CROCC2: variants seen among roughly 807,000 people sequenced by gnomAD.
The protein encoded by CROCC2 is ciliary rootlet coiled-coil, rootletin family member 2.
CROCC2 carries 163 observed loss-of-function variants against 177.6 expected under a neutral mutation model. The ratio of observed to expected loss-of-function variants is 0.92; its 90% CI spans 0.81 to 1.05. CROCC2 has a LOEUF of 1.05. Ranked by LOEUF, CROCC2 falls within the 50% of genes least tolerant of loss-of-function variation. The probability of loss-of-function intolerance (pLI) is 0.00; values close to 1 mark genes in which losing one functional copy is unlikely to be tolerated. For synonymous variants in CROCC2, 904 were observed against 787.3 expected, an observed-to-expected ratio of 1.15 and a Z score of -2.48; for missense variants, 1,929 against 1,797.8, an observed-to-expected ratio of 1.07 and a Z score of -1.32.
rs1281047230 is a variant in CROCC2 at position 240,967,335 on chromosome 2, T to G, written c.4147-10T>G. The G allele has an allele frequency of 1.4e-6, 1 of 693,904 alleles. No individual in the cohort carries two copies. 43.0% of individuals were successfully genotyped at this position (693,904 alleles called of 1,614,324 possible). On this transcript the variant is annotated splice_polypyrimidine_tract_variant and intron_variant, in intron 25 of 31. Coordinates refer to ENST00000690015, the MANE Select transcript of CROCC2 (RefSeq NM_001351305.2). ...GGACTGCCCCCGCTGACCTCAGTCC[T>G]TCTGCCCAGGATGACTCCCGCATCC... is the stretch of plus-strand genomic sequence containing the variant.
chr2:240,968,789 G>A (rs749581901), intron 27 of CROCC2, among the ~76,000 whole-genome samples: 16 of 152,202 alleles, frequency 1.1e-4, no homozygotes, highest in African/African-American at 2.4e-4. Flanking sequence ...GGAGGTGCCC[G>A]CTGGGTCTGA....
In CROCC2 at chr2:240,964,698, G is replaced by A. The variant is rs1033728892; in HGVS notation, c.3465+73G>A. ...TGGTGGGTCCCGGCTCCTCCCAGGG[G>A]AGCCCCCAGCCCTGGCCTTGCTGCC... On this transcript the variant is annotated intron_variant, in intron 22 of 31. Transcript: ENST00000690015. 67 of 1,485,536 alleles carry A rather than the reference G, an allele frequency of 4.5e-5. No individual in the cohort carries two copies. The Admixed American group carries it at 1.4e-3, about 31-fold the overall frequency. The allele number at this position is 1,485,536 out of a possible 1,614,324, so 92.0% of individuals were successfully genotyped here. A position where few individuals can be genotyped will look rare whatever the true frequency, so the allele number is the denominator to read the frequency against.
Position 240,920,061 on chromosome 2 carries a change from T to TGG in CROCC2, c.312_313dup (p.Asp105GlyfsTer67). On this transcript the variant is annotated frameshift_variant, in exon 3 of 32. Transcript: ENST00000690015. LOFTEE classifies it high-confidence loss of function. The stretch of plus-strand genomic sequence containing the variant: ...CTCCTGCAGGAGGAGCTGACCCGGC[T>TGG]GGGGGACCTGCTGGCCCAGGCCAGC... The TGG allele has an allele frequency of 1.4e-6, 1 of 715,758 alleles. No individual in the cohort carries two copies. Among genetic ancestry groups the TGG allele is most frequent in the Non-Finnish European group, 2.6e-6 (1 of 384,772 alleles). The allele number at this position is 715,758 out of a possible 1,614,324, so 44.3% of individuals were successfully genotyped here.
intron 10 of CROCC2, 75 bp downstream of exon 10, chr2:240,933,417 C>G: frequency 7.3e-7 from 1 of 1,374,102 alleles, no homozygotes; most frequent in South Asian, 1.5e-5. Context: ...GCTGTCAGGA[C>G]AAGCACCTCT....
intron 1 of CROCC2, among the ~76,000 whole-genome samples, chr2:240,914,320 A>T (rs1443677307): frequency 6.6e-6 from 1 of 152,254 alleles, no homozygotes; most frequent in Non-Finnish European, 1.5e-5. Flanking sequence ...GGCGGAGGCC[A>T]GAAGCCTCCA....
In CROCC2 at chr2:240,950,656, C is replaced by T. The variant is rs556486185; in HGVS notation, c.2829+146C>T. The T allele has an allele frequency of 2.4e-3, 1,846 of 767,934 alleles. 18 individuals are homozygous for T. In the African/African-American group the frequency reaches 0.025, roughly 11 times the overall value. The allele number at this position is 767,934 out of a possible 1,614,324, so 47.6% of individuals were successfully genotyped here. ...CCATCCATCCATCCATCCAACCATC[C>T]GTCCACTCACCCACCCACCTATCTG... On this transcript the variant is annotated intron_variant, in intron 18 of 31. Transcript: ENST00000690015.
rs183661827 is a variant in CROCC2, at chr2:240,935,459, G to A, written c.2040G>A (p.Ala680=). The A allele has an allele frequency of 4.0e-3, 5,500 of 1,369,286 alleles. 20 individuals carry two copies. The highest frequency in any genetic ancestry group is 4.6e-3 in the Non-Finnish European group (4,872 of 1,056,828). 84.8% of individuals were successfully genotyped at this position (1,369,286 alleles called of 1,614,324 possible). ...EQLAQAEQQL[A]LERAERRGLQ... ...TGGCACAGGCGGAGCAGCAGCTGGC[G>A]CTGGAGCGGGCAGAGCGCAGGGGCC... is the stretch of plus-strand genomic sequence containing the variant. The change falls in exon 14 of 32, where the codon GCG becomes GCA. Residue 680 remains alanine, a synonymous_variant. Coordinates refer to ENST00000690015, the MANE Select transcript of CROCC2 (RefSeq NM_001351305.2).
chr2:240,991,418 G>A, intron 31 of CROCC2, 140 bp downstream of exon 31: 3 of 695,328 alleles, frequency 4.3e-6, no homozygotes, highest in Non-Finnish European at 6.8e-6. Context: ...CTTGTGCTCT[G>A]CACAAGAGGG....
chr2:240,956,105 AG>A (rs2059588447), intron 19 of CROCC2, 133 bp downstream of exon 19: 1 of 670,532 alleles, frequency 1.5e-6, no homozygotes, highest in Non-Finnish European at 2.6e-6. Flanking sequence ...AGTTTCCCCC[AG>A]GTGCCTCCAG....
Position 240,949,217 on chromosome 2 carries a change from C to G in CROCC2, c.2482+120C>G. 2 of 1,437,206 alleles carry G rather than the reference C, an allele frequency of 1.4e-6. No individual in the cohort carries two copies. The highest frequency in any genetic ancestry group is 1.8e-6 in the Non-Finnish European group (2 of 1,099,672). The allele number at this position is 1,437,206 out of a possible 1,614,324, so 89.0% of individuals were successfully genotyped here. A position where few individuals can be genotyped will look rare whatever the true frequency, so the allele number is the denominator to read the frequency against. Reference sequence around the variant, plus strand: ...TCTCCGGAGCCCACAGGGGCATGAACATGAGCTTGGAGCTCATGCGACTGA... The same window carrying G: ...TCTCCGGAGCCCACAGGGGCATGAAGATGAGCTTGGAGCTCATGCGACTGA... On this transcript the variant is annotated intron_variant, in intron 16 of 31. Coordinates refer to ENST00000690015, the MANE Select transcript of CROCC2 (RefSeq NM_001351305.2). The surrounding 1 kb of genome is among the most constrained non-coding windows in gnomAD (Gnocchi z 4.5).
At chr2:240,950,086 G>T (rs1398067727) in intron 17 of CROCC2, among the ~76,000 whole-genome samples, 1 of 152,214 alleles carries the variant, frequency 6.6e-6, no homozygotes, top group Non-Finnish European at 1.5e-5. Context: ...CAGGTGCACT[G>T]CAGAGACTCA....
At chr2:240,912,913 G>C (rs981462180) in intron 1 of CROCC2, among the ~76,000 whole-genome samples, 4 of 152,152 alleles carry the variant, frequency 2.6e-5, no homozygotes, top group Non-Finnish European at 5.9e-5. Context: ...TCCCCACCAC[G>C]GGACAGGAGC....
At chr2:240,935,181 T>G in intron 13 of CROCC2, 119 bp downstream of exon 13, 1 of 1,257,014 alleles carries the variant, frequency 8.0e-7, no homozygotes, top group Non-Finnish European at 1.0e-6. Context: ...TGGTTTGAGG[T>G]TTTGGGGACA....
intron 5 of CROCC2, among the ~76,000 whole-genome samples, chr2:240,928,342 C>CG (rs2059406412): frequency 6.6e-6 from 1 of 151,966 alleles, no homozygotes; most frequent in Non-Finnish European, 1.5e-5. Flanking sequence ...ACAAGGAAGA[C>CG]TTTTTTCTCT....
Position 240,930,923 on chromosome 2 carries a change from T to A in CROCC2, c.750-8T>A. 1 of 703,374 alleles carries A rather than the reference T, an allele frequency of 1.4e-6. No homozygotes were observed. The highest frequency in any genetic ancestry group is 2.7e-6 in the Non-Finnish European group (1 of 377,006). The allele number at this position is 703,374 out of a possible 1,614,324, so 43.6% of individuals were successfully genotyped here. On this transcript the variant is annotated splice_region_variant and splice_polypyrimidine_tract_variant and intron_variant, in intron 6 of 31. Coordinates refer to ENST00000690015, the MANE Select transcript of CROCC2 (RefSeq NM_001351305.2). ...GAGTCCGCCACAGATGCTGCCCTTG[T>A]CTCCCAGGGGCCTCGCTGACCTGCA...
At chr2:240,988,189 A>C (rs1175054368) in intron 28 of CROCC2, among the ~76,000 whole-genome samples, 5 of 152,172 alleles carry the variant, frequency 3.3e-5, no homozygotes, top group Admixed American at 2.6e-4. Flanking sequence ...TGGGTGACTA[A>C]GGAGGGAGCA....
At chr2:240,911,774 G>C (rs1010008837) in intron 1 of CROCC2, among the ~76,000 whole-genome samples, 1 of 152,024 alleles carries the variant, frequency 6.6e-6, no homozygotes, top group African/African-American at 2.4e-5. Context: ...TTATTTCACT[G>C]AGCATGACAC....
At chr2:240,961,588 A>ACACTCACACACGCACTCACATACACT (rs2059635229) in intron 20 of CROCC2, among the ~76,000 whole-genome samples, 1 of 29,314 alleles carries the variant, frequency 3.4e-5, no homozygotes, top group African/African-American at 9.6e-5. Flanking sequence ...ACATACACTC[A>ACACTCACACACGCACTCACATACACT]CACACACACA....
At chr2:240,923,217 G>C (rs901593150) in intron 4 of CROCC2, among the ~76,000 whole-genome samples, 4 of 151,962 alleles carry the variant, frequency 2.6e-5, no homozygotes, top group Admixed American at 6.5e-5. Flanking sequence ...GTGGCAAAGA[G>C]AGACAGAGCC....
Sources: allele counts gnomAD v4.1 joint callset (sites outside exome capture counted in the v4.1 genomes callset), GRCh38; gene constraint gnomAD v4.1.1; non-coding constraint Gnocchi (gnomAD v3.1); transcripts MANE v1.5; gene names NCBI Gene and HGNC (gene_info 2026-07-23, HGNC 2026-07-21).